Variants in MYCBP2 observed in about 807,000 individuals in gnomAD.
MYCBP2 encodes MYC binding protein 2.
Under a neutral mutation model 525.3 loss-of-function variants are expected in MYCBP2, and 120 were observed. The ratio of observed to expected loss-of-function variants is 0.23; its 90% CI spans 0.20 to 0.27. The LOEUF is 0.27. Among genes scored for constraint, MYCBP2 ranks in the 10% least tolerant of loss-of-function variants. The pLI is 1.00. For missense variants in MYCBP2, 4,149 were observed against 5,657.1 expected (o/e 0.73, Z 8.55); for synonymous variants, 1,894 against 1,955.8 (o/e 0.97, Z 0.83).
intron 82 of MYCBP2, among the ~76,000 whole-genome samples, chr13:77,048,682 G>A (rs1053875229): frequency 3.9e-5 from 6 of 151,998 alleles, no homozygotes; most frequent in South Asian, 2.1e-4. Context: ...CCATCTACTC[G>A]CAGATTGTAA....
At position 77,262,044 on chromosome 13, in the gene MYCBP2, A is replaced by ATAAT. The variant is rs1313046374; in HGVS notation, c.1647+5_1647+8dup. The ATAAT allele has an allele frequency of 1.9e-6, 3 of 1,605,076 alleles. No individual in the cohort carries two copies. The South Asian group carries it at 3.3e-5, about 18-fold the overall frequency. ...AATGCTCATTTTTAATCCAAAGAGAATAATTTACCTTTCCATTTGCTGTTT... is the reference window on the plus strand; with the variant it reads ...AATGCTCATTTTTAATCCAAAGAGAATAATTAATTTACCTTTCCATTTGCTGTTT... On this transcript the variant is annotated intron_variant, in intron 11 of 82. Coordinates refer to ENST00000544440, the MANE Select transcript of MYCBP2 (RefSeq NM_015057.5).
chr13:77,137,928 C>A (rs1243950298), intron 52 of MYCBP2, among the ~76,000 whole-genome samples: 1 of 151,774 alleles, frequency 6.6e-6, no homozygotes, highest in African/African-American at 2.4e-5. Flanking sequence ...CCTTGCCCAA[C>A]AAAAAAGTCT....
chr13:77,142,280 C>T (rs1409531874), intron 49 of MYCBP2, among the ~76,000 whole-genome samples: 1 of 152,134 alleles, frequency 6.6e-6, no homozygotes, highest in Non-Finnish European at 1.5e-5. Context: ...AAAGTGTTAA[C>T]ACTTGACAGG....
intron 1 of MYCBP2, among the ~76,000 whole-genome samples, chr13:77,310,793 C>T (rs1298277424): frequency 6.6e-6 from 1 of 151,856 alleles, no homozygotes; most frequent in East Asian, 1.9e-4. Context: ...CATGCACACA[C>T]ACACACACAC....
At chr13:77,088,149 T>G (rs1045104844) in intron 61 of MYCBP2, among the ~76,000 whole-genome samples, 4 of 151,992 alleles carry the variant, frequency 2.6e-5, no homozygotes, top group African/African-American at 7.2e-5. Flanking sequence ...TAATTTGGGG[T>G]TTTAATTTAA....
intron 58 of MYCBP2, among the ~76,000 whole-genome samples, chr13:77,094,577 T>C (rs2045953002): frequency 6.6e-6 from 1 of 152,290 alleles, no homozygotes; most frequent in South Asian, 2.1e-4. Flanking sequence ...CTTTCACATA[T>C]TTCCTCCAGT....
Position 77,076,902 on chromosome 13 carries a change from T to C in MYCBP2, c.11725-53A>G, listed in dbSNP as rs550810321. On this transcript the variant is annotated intron_variant, in intron 67 of 82. Coordinates refer to ENST00000544440, the MANE Select transcript of MYCBP2 (RefSeq NM_015057.5). Reference sequence around the variant, plus strand: ...ATTAATGACAGGCATTAACACTATATTGGCCAGAGGACTCATTAGCTGATT... The same window carrying C: ...ATTAATGACAGGCATTAACACTATACTGGCCAGAGGACTCATTAGCTGATT... 35 of 1,379,118 alleles carry C rather than the reference T, an allele frequency of 2.5e-5. No homozygotes were observed. The African/African-American group carries it at 4.9e-4, about 19-fold the overall frequency. The allele number at this position is 1,379,118 out of a possible 1,614,324, so 85.4% of individuals were successfully genotyped here.
At chr13:77,063,317 G>C (rs2039632386) in intron 73 of MYCBP2, among the ~76,000 whole-genome samples, 1 of 152,158 alleles carries the variant, frequency 6.6e-6, no homozygotes, top group Non-Finnish European at 1.5e-5. Context: ...CAGCACTTTG[G>C]GAGGCCAAGG....
intron 31 of MYCBP2, among the ~76,000 whole-genome samples, 173 bp downstream of exon 31, chr13:77,185,698 T>G (rs2060652696): frequency 6.6e-6 from 1 of 152,190 alleles, no homozygotes; most frequent in Non-Finnish European, 1.5e-5. Flanking sequence ...TGTAATCTAT[T>G]TTACTCTTTA....
chr13:77,162,215 T>C (rs946185537), intron 43 of MYCBP2, among the ~76,000 whole-genome samples: 1 of 152,222 alleles, frequency 6.6e-6, no homozygotes, highest in Non-Finnish European at 1.5e-5. Context: ...CCTACATTTA[T>C]GAATATAAAT....
intron 30 of MYCBP2, 144 bp from the exon 31 acceptor site, chr13:77,186,207 G>A: frequency 1.9e-6 from 1 of 533,470 alleles, no homozygotes; most frequent in East Asian, 3.1e-5. Context: ...TTTTTACTGA[G>A]CCCAAGACAC....
intron 73 of MYCBP2, among the ~76,000 whole-genome samples, chr13:77,063,490 G>T (rs781672339): frequency 4.6e-5 from 7 of 150,570 alleles, no homozygotes; most frequent in African/African-American, 9.8e-5. Context: ...ACCTGCAGGC[G>T]GAGGCTGCAG....
chr13:77,302,197 C>A (rs1185599827), intron 1 of MYCBP2, among the ~76,000 whole-genome samples: 1 of 152,046 alleles, frequency 6.6e-6, no homozygotes, highest in Non-Finnish European at 1.5e-5. Flanking sequence ...CTGAGAGATT[C>A]AAGAAACTCA....
At chr13:77,174,020 G>A (rs1187322684) in intron 37 of MYCBP2, among the ~76,000 whole-genome samples, 3 of 152,200 alleles carry the variant, frequency 2.0e-5, no homozygotes, top group South Asian at 2.1e-4. Context: ...ATTTGAAATT[G>A]CAGACCAGAA....
chr13:77,261,391 A>C lies in MYCBP2; in HGVS notation c.1648-16T>G, dbSNP rs1301272147. ...TGTAATATATCTTATGTATTAAAAA[A>C]AAAAAGGAATTATGGTACTTTTTGG... On this transcript the variant is annotated splice_polypyrimidine_tract_variant and intron_variant, in intron 11 of 82. Transcript: ENST00000544440. 4.4e-6 allele frequency: 7 copies of C among 1,577,400 alleles called. No homozygotes were observed. Among genetic ancestry groups the C allele is most frequent in the Non-Finnish European group, 6.0e-6 (7 of 1,160,562 alleles).
intron 17 of MYCBP2, among the ~76,000 whole-genome samples, chr13:77,240,866 T>A (rs974077432): frequency 3.3e-5 from 5 of 152,182 alleles, no homozygotes; most frequent in Non-Finnish European, 7.4e-5. Context: ...ATATTCACTA[T>A]ATATTGTTTT....
intron 2 of MYCBP2, among the ~76,000 whole-genome samples, chr13:77,295,522 T>A (rs1277138841): frequency 1.3e-5 from 2 of 152,224 alleles, no homozygotes; most frequent in African/African-American, 4.8e-5. Context: ...TTATTTTAGG[T>A]TTGCTACTTT....
At chr13:77,256,535 G>C (rs2072226122) in intron 14 of MYCBP2, among the ~76,000 whole-genome samples, 1 of 151,908 alleles carries the variant, frequency 6.6e-6, no homozygotes, top group Non-Finnish European at 1.5e-5. Flanking sequence ...TAACGTCAAA[G>C]AGCCACTCAA....
At chr13:77,318,965 T>A (rs1471773716) in intron 1 of MYCBP2, among the ~76,000 whole-genome samples, 1 of 152,208 alleles carries the variant, frequency 6.6e-6, no homozygotes, top group Non-Finnish European at 1.5e-5. Context: ...AAATGTGGCA[T>A]GAGCTAATGT....
Sources: gnomAD v4.1 joint callset for allele counts (sites outside exome capture counted in the v4.1 genomes callset) on GRCh38, gnomAD v4.1.1 for gene constraint, MANE v1.5 for transcripts, NCBI Gene and HGNC (gene_info 2026-07-23, HGNC 2026-07-21) for gene names.